The following PPP4R2 variants were observed in gnomAD, a reference collection of about 807,000 sequenced individuals.
The protein encoded by PPP4R2 is protein phosphatase 4 regulatory subunit 2.
In PPP4R2, 13 loss-of-function variants were observed where a neutral mutation model predicts 47.2. That is an observed-to-expected ratio of 0.28 (90% CI 0.18 to 0.44). The LOEUF (loss-of-function observed/expected upper bound fraction) is 0.44, where lower values mean the gene tolerates loss of function less well. PPP4R2 is among the 20% of genes least tolerant of loss of function. PPP4R2 has a pLI of 1.00. For synonymous variants in PPP4R2, 151 were observed against 163.3 expected (o/e 0.92, Z 0.57); for missense variants, 421 against 491.2 (o/e 0.86, Z 1.35).
At chr3:73,056,733 A>C (rs1489276479) in intron 3 of PPP4R2, among the ~76,000 whole-genome samples, 4 of 152,220 alleles carry the variant, frequency 2.6e-5, no homozygotes. Context: ...TTAATATTAA[A>C]CAACACATAA....
At chr3:73,033,584 T>C (rs1477254968) in intron 2 of PPP4R2, among the ~76,000 whole-genome samples, 1 of 152,238 alleles carries the variant, frequency 6.6e-6, no homozygotes, top group African/African-American at 2.4e-5. Flanking sequence ...TACAGTTCAG[T>C]GGCATTAAGT....
chr3:73,011,482 G>GA (rs34933435), intron 2 of PPP4R2, among the ~76,000 whole-genome samples: 21 of 148,636 alleles, frequency 1.4e-4, no homozygotes, highest in East Asian at 3.9e-4. Flanking sequence ...CAGTGTCTCA[G>GA]AAAAAAAAAA....
At chr3:73,004,761 ATGATAATT>A (rs765162668) in intron 2 of PPP4R2, among the ~76,000 whole-genome samples, 18 of 152,152 alleles carry the variant, frequency 1.2e-4, no homozygotes, top group Non-Finnish European at 1.9e-4. Context: ...TTAACATCTG[ATGATAATT>A]TTTTTTACCT....
rs557869641 is a variant in PPP4R2, at chr3:73,066,019, T to C, written c.*297T>C. On this transcript the variant is annotated 3_prime_UTR_variant, in exon 9 of 9. Transcript: ENST00000356692. ...TAATTTAGGATTGAAGTTTTTAAAC[T>C]GGAAAGTAATTACAATTTTGAAAAG... 5.5e-6 allele frequency: 1 copy of C among 182,820 alleles called. No homozygotes were observed. The highest frequency in any genetic ancestry group is 1.9e-4 in the South Asian group (1 of 5,146). The allele number at this position is 182,820 out of a possible 1,614,324, so 11.3% of individuals were successfully genotyped here. A position where few individuals can be genotyped will look rare whatever the true frequency, so the allele number is the denominator to read the frequency against.
At chr3:73,025,497 T>C (rs539032329) in intron 2 of PPP4R2, among the ~76,000 whole-genome samples, 2 of 152,318 alleles carry the variant, frequency 1.3e-5, no homozygotes, top group African/African-American at 4.8e-5. Flanking sequence ...GACGTAGAAC[T>C]GGTGATTATG....
chr3:73,048,353 A>T (rs539724995), intron 3 of PPP4R2, among the ~76,000 whole-genome samples: 1 of 152,276 alleles, frequency 6.6e-6, no homozygotes, highest in Admixed American at 6.5e-5. Context: ...GCCAGGTTCA[A>T]GCAATTCTGC....
chr3:73,035,775 A>C (rs1702250683), intron 2 of PPP4R2, among the ~76,000 whole-genome samples: 4 of 152,000 alleles, frequency 2.6e-5, no homozygotes, highest in Admixed American at 2.6e-4. Context: ...ACAGGCACAC[A>C]CCACAACGCC....
At chr3:73,030,566 T>C (rs768412211) in intron 2 of PPP4R2, among the ~76,000 whole-genome samples, 14 of 151,988 alleles carry the variant, frequency 9.2e-5, no homozygotes, top group Non-Finnish European at 1.9e-4. Flanking sequence ...TTCTTTGTCT[T>C]TGCTTTCTTC....
At chr3:73,045,964 C>A (rs1261960156) in intron 2 of PPP4R2, among the ~76,000 whole-genome samples, 2 of 151,988 alleles carry the variant, frequency 1.3e-5, no homozygotes, top group African/African-American at 2.4e-5. Context: ...TTTTTTAATA[C>A]CTGTTTCTCA....
chr3:73,058,080 A>G (rs370323351), intron 3 of PPP4R2, among the ~76,000 whole-genome samples: 1 of 145,884 alleles, frequency 6.9e-6, no homozygotes, highest in South Asian at 2.2e-4. Flanking sequence ...TATGAATGCT[A>G]ATAGCTACAT....
At chr3:73,002,629 CTTTTCTTTTTTTTT>C (rs1303616315) in intron 2 of PPP4R2, among the ~76,000 whole-genome samples, 82 of 83,006 alleles carry the variant, frequency 9.9e-4, no homozygotes, top group Non-Finnish European at 1.5e-3. Flanking sequence ...CTTTTCTTTT[CTTTTCTTTTTTTTT>C]TTTTTTTTTT....
At chr3:73,012,425 G>T (rs1281960719) in intron 2 of PPP4R2, among the ~76,000 whole-genome samples, 1 of 151,956 alleles carries the variant, frequency 6.6e-6, no homozygotes, top group African/African-American at 2.4e-5. Context: ...TCAGCCTCCC[G>T]CTTAGCTGGG....
chr3:73,023,435 C>G (rs556086140), intron 2 of PPP4R2, among the ~76,000 whole-genome samples: 1 of 152,266 alleles, frequency 6.6e-6, no homozygotes, highest in Admixed American at 6.5e-5. Flanking sequence ...ATCCACCCGC[C>G]TTGGCCTCAC....
At chr3:73,031,907 C>G (rs1053789134) in intron 2 of PPP4R2, among the ~76,000 whole-genome samples, 2 of 152,182 alleles carry the variant, frequency 1.3e-5, no homozygotes, top group Admixed American at 1.3e-4. Flanking sequence ...AGCCATTTTG[C>G]TAAGCACTTT....
Position 73,040,986 on chromosome 3 carries a change from G to A in PPP4R2, c.117-6200G>A, listed in dbSNP as rs1038499814. On this transcript the variant is annotated intron_variant, in intron 2 of 8. Transcript: ENST00000356692. ...AAAAATATATTAAAATGTTACTTTA[G>A]TGATGATGGTTGACTGCAGATTATG... Among the ~76,000 whole-genome samples, 5 of 148,746 alleles carry A rather than the reference G, an allele frequency of 3.4e-5. No homozygotes were observed. The South Asian group carries it at 1.1e-3, about 33-fold the overall frequency.
At chr3:73,030,697 T>A (rs1222990542) in intron 2 of PPP4R2, among the ~76,000 whole-genome samples, 1 of 151,690 alleles carries the variant, frequency 6.6e-6, no homozygotes, top group Non-Finnish European at 1.5e-5. Context: ...TTTTTTTTTC[T>A]CTTTCCTCTT....
At chr3:73,019,334 A>G (rs1701913136) in intron 2 of PPP4R2, among the ~76,000 whole-genome samples, 1 of 152,140 alleles carries the variant, frequency 6.6e-6, no homozygotes, top group Non-Finnish European at 1.5e-5. Context: ...GTAGATGAAA[A>G]ACAGAACACT....
chr3:73,059,925 ACT>A (rs943274318), intron 4 of PPP4R2, among the ~76,000 whole-genome samples: 1 of 139,664 alleles, frequency 7.2e-6, no homozygotes, highest in Non-Finnish European at 1.5e-5. Flanking sequence ...ACAAAGTGAG[ACT>A]CTGTCTCAGA....
chr3:73,045,526 ATTTTTT>A (rs10659714), intron 2 of PPP4R2, among the ~76,000 whole-genome samples: 1 of 139,412 alleles, frequency 7.2e-6, no homozygotes, highest in Non-Finnish European at 1.5e-5. Context: ...CATTCTCCTA[ATTTTTT>A]TTTTTTTTTT....
Sources: gnomAD v4.1 joint callset for allele counts (sites outside exome capture counted in the v4.1 genomes callset) on GRCh38, gnomAD v4.1.1 for gene constraint, MANE v1.5 for transcripts, NCBI Gene and HGNC (gene_info 2026-07-23, HGNC 2026-07-21) for gene names.